DNAH5: variants seen among roughly 807,000 people sequenced by gnomAD.
DNAH5 encodes the protein axonemal beta dynein heavy chain 5.
A neutral mutation model predicts 518.2 loss-of-function variants in DNAH5; 372 were observed. The observed-to-expected ratio is 0.72, with a 90% CI of 0.66 to 0.78. DNAH5 has a LOEUF of 0.78. Among genes scored for constraint, DNAH5 ranks in the 30% least tolerant of loss-of-function variants. The pLI, the probability that DNAH5 is intolerant of heterozygous loss-of-function variation, is 0.00. For missense variants in DNAH5, 5,523 were observed against 5,687.0 expected (o/e 0.97, Z 0.93); for synonymous variants, 2,039 against 2,025.9 (o/e 1.01, Z -0.17).
At chr5:13,708,590 C>T (rs1434848852) in intron 75 of DNAH5, among the ~76,000 whole-genome samples, 2 of 152,172 alleles carry the variant, frequency 1.3e-5, no homozygotes, top group Non-Finnish European at 2.9e-5. Context: ...ATGTAAAATG[C>T]ATGACCACAA....
At chr5:13,776,942 GCTTT>G (rs1261518863) in intron 54 of DNAH5, among the ~76,000 whole-genome samples, 1 of 152,090 alleles carries the variant, frequency 6.6e-6, no homozygotes, top group Non-Finnish European at 1.5e-5. Context: ...AATCTAATTA[GCTTT>G]CTTTCTAACT....
At chr5:14,005,630 C>T (rs1784674428) in intron 1 of DNAH5, among the ~76,000 whole-genome samples, 1 of 152,200 alleles carries the variant, frequency 6.6e-6, no homozygotes, top group South Asian at 2.1e-4. Flanking sequence ...GTCATCGTTG[C>T]ACAATCGATA....
chr5:13,859,578 A>G lies in DNAH5; in HGVS notation c.4824T>C (p.Ile1608=), dbSNP rs1016408037. 3 of 1,614,048 alleles carry G rather than the reference A, an allele frequency of 1.9e-6. No individual in the cohort carries two copies. The highest frequency in any genetic ancestry group is 2.5e-6 in the Non-Finnish European group (3 of 1,179,940). The change falls in exon 30 of 79, where the codon ATT becomes ATC. Residue 1608 remains isoleucine, a synonymous_variant. Coordinates refer to ENST00000265104, the MANE Select transcript of DNAH5 (RefSeq NM_001369.3). The stretch of plus-strand genomic sequence containing the variant: ...TGGAAAGGTACTGCACCCATTTTTG[A>G]ATCTGGGCTTTGAATGGCATATTGT... ...NRYNMPFKAQ[I]QKWVQYLSNS...
intron 65 of DNAH5, among the ~76,000 whole-genome samples, chr5:13,743,676 CAT>C (rs1431248636): frequency 6.6e-6 from 1 of 151,838 alleles, no homozygotes; most frequent in East Asian, 1.9e-4. Context: ...TCTCAAAAGA[CAT>C]AAAAATGGCC....
chr5:13,834,506 A>T (rs1052558162), intron 35 of DNAH5, among the ~76,000 whole-genome samples: 1 of 152,350 alleles, frequency 6.6e-6, no homozygotes, highest in South Asian at 2.1e-4. Context: ...TTATTCAAGA[A>T]CTATTTATTT....
At chr5:13,742,360 T>C (rs778053112) in intron 65 of DNAH5, among the ~76,000 whole-genome samples, 8 of 132,080 alleles carry the variant, frequency 6.1e-5, no homozygotes, top group Non-Finnish European at 1.4e-4. Flanking sequence ...TTGTCATTCA[T>C]GGACTACTCT....
At chr5:13,917,336 A>G (rs1776754073) in intron 7 of DNAH5, 80 bp from the exon 8 acceptor site, 2 of 1,022,314 alleles carry the variant, frequency 2.0e-6, no homozygotes, top group African/African-American at 1.6e-5. Flanking sequence ...AAGAGTCACC[A>G]CAAGTCCATT....
Position 13,851,880 on chromosome 5 carries a change from C to A in DNAH5, c.4951-1065G>T, listed in dbSNP as rs140160478. On this transcript the variant is annotated intron_variant, in intron 30 of 78. Coordinates refer to ENST00000265104, the MANE Select transcript of DNAH5 (RefSeq NM_001369.3). ...GCATTTCCAGCTGAGGTACCTGGCTCATCTCATTGGGACTGGTCAGACAGT... is the reference window on the plus strand; with the variant it reads ...GCATTTCCAGCTGAGGTACCTGGCTAATCTCATTGGGACTGGTCAGACAGT... Among the ~76,000 whole-genome samples the A allele has an allele frequency of 3.6e-3, 550 of 152,066 alleles. 4 individuals are homozygous for A. Among genetic ancestry groups the A allele is most frequent in the African/African-American group, 0.013 (528 of 41,474 alleles).
chr5:13,862,603 T>G lies in DNAH5; in HGVS notation c.4741A>C (p.Ile1581Leu), dbSNP rs755629138. 3 of 1,614,058 alleles carry G rather than the reference T, an allele frequency of 1.9e-6. No homozygotes were observed. The South Asian group carries it at 3.3e-5, about 18-fold the overall frequency. Residue 1581 changes from isoleucine (I) to leucine (L), a missense_variant, in exon 29 of 79, where the codon ATC becomes CTC. Around this residue, in one of 3 missense-constraint regions of DNAH5, gnomAD observed 5,121 missense variants for 5,223.3 expected, o/e 0.98. Coordinates refer to ENST00000265104, the MANE Select transcript of DNAH5 (RefSeq NM_001369.3). ...LLLRGDSTSE[I>L]IANMEDSLML... ...AAGCTGTCCTCCATGTTGGCGATGA[T>G]TTCCGAGGTACTGTCTCCTCTCAAG... is the stretch of plus-strand genomic sequence containing the variant.
In DNAH5 at chr5:13,830,108, T is replaced by A. The variant is rs578128759; in HGVS notation, c.6167A>T (p.Lys2056Ile). ...GATAAAAGACTTTTTGTGCTCCTTT[T>A]TACATGTCAGAATAATGGAAATTTG... Reference protein sequence around the residue: ...AQQISIILTCKKEHKKSFIFT... With the variant: ...AQQISIILTCIKEHKKSFIFT... The change falls in exon 37 of 79, where the codon AAA becomes ATA. Residue 2056 changes from lysine (K) to isoleucine (I), a missense_variant. Lys to Ile is a moderately radical substitution (Grantham distance 102). Around this residue, in one of 3 missense-constraint regions of DNAH5, gnomAD observed 5,121 missense variants for 5,223.3 expected, o/e 0.98. Transcript: ENST00000265104. 584 of 1,614,018 alleles carry A rather than the reference T, an allele frequency of 3.6e-4. 7 individuals are homozygous for A. The South Asian group carries it at 6.2e-3, about 17-fold the overall frequency.
At chr5:13,988,026 T>C (rs975192550) in intron 1 of DNAH5, among the ~76,000 whole-genome samples, 26 of 152,142 alleles carry the variant, frequency 1.7e-4, no homozygotes. Flanking sequence ...GGGAAGCCGC[T>C]AGGTGGTGAG....
rs537168724 is a variant in DNAH5 at position 14,005,683 on chromosome 5, T to C, written c.12+5965A>G. On this transcript the variant is annotated intron_variant, in intron 1 of 78. Coordinates refer to the DNAH5 transcript ENST00000681290. ...TTTTGAAAGACCAAAAATATGGTGT[T>C]TTATTTTTCTTCCTTATATTCTGGA... Among the ~76,000 whole-genome samples the C allele has an allele frequency of 4.6e-5, 7 of 152,336 alleles. No individual in the cohort carries two copies. In the South Asian group the frequency reaches 1.2e-3, roughly 27 times the overall value.
chr5:13,833,849 G>T (rs1244716186), intron 35 of DNAH5, among the ~76,000 whole-genome samples: 2 of 152,192 alleles, frequency 1.3e-5, no homozygotes, highest in African/African-American at 4.8e-5. Context: ...AGTGCTGTAT[G>T]TTATCATATT....
At chr5:13,692,265 T>C in intron 78 of DNAH5, 130 bp from the exon 79 acceptor site, 1 of 1,018,518 alleles carries the variant, frequency 9.8e-7, no homozygotes, top group South Asian at 1.4e-5. Context: ...TGAGGGACAT[T>C]CTTTCTGAGG....
At chr5:13,974,497 T>C (rs1036819436) in intron 1 of DNAH5, among the ~76,000 whole-genome samples, 1 of 152,230 alleles carries the variant, frequency 6.6e-6, no homozygotes, top group Admixed American at 6.5e-5. Flanking sequence ...ATACCTGTGA[T>C]AGGATGGCAT....
At chr5:13,904,353 TG>T (rs1332706024) in intron 12 of DNAH5, among the ~76,000 whole-genome samples, 1 of 149,078 alleles carries the variant, frequency 6.7e-6, no homozygotes, top group Non-Finnish European at 1.5e-5. Context: ...TAGAGAGATA[TG>T]GATTATATTT....
At chr5:13,803,824 A>T (rs1175513063) in intron 47 of DNAH5, among the ~76,000 whole-genome samples, 1 of 152,176 alleles carries the variant, frequency 6.6e-6, no homozygotes, top group Non-Finnish European at 1.5e-5. Flanking sequence ...CTTATTTTAT[A>T]GATTAATCTA....
chr5:13,995,114 T>C (rs1485138718), intron 1 of DNAH5, among the ~76,000 whole-genome samples: 5 of 152,112 alleles, frequency 3.3e-5, no homozygotes, highest in African/African-American at 1.2e-4. Context: ...GCTGAGTCAG[T>C]TTTCGTTTCT....
chr5:13,966,211 G>GTA (rs1781515839), intron 1 of DNAH5, among the ~76,000 whole-genome samples: 1 of 133,766 alleles, frequency 7.5e-6, no homozygotes, highest in Non-Finnish European at 1.7e-5. Context: ...GTGTGTGTGT[G>GTA]TATGTGTGTA....
Sources: gnomAD v4.1 joint callset for allele counts (sites outside exome capture counted in the v4.1 genomes callset) on GRCh38, gnomAD v4.1.1 for gene constraint, gnomAD v4.1.1 regional missense constraint, MANE v1.5 for transcripts, NCBI Gene and HGNC (gene_info 2026-07-23, HGNC 2026-07-21) for gene names.